The following KCNIP1 variants were observed in gnomAD, a reference collection of about 807,000 sequenced individuals.
The protein encoded by KCNIP1 is potassium voltage-gated channel interacting protein 1.
KCNIP1 carries 18 observed loss-of-function variants against 33.0 expected under a neutral mutation model. That is an observed-to-expected ratio of 0.55 (90% CI 0.38 to 0.81). KCNIP1 has a LOEUF of 0.81. Among genes scored for constraint, KCNIP1 ranks in the 30% least tolerant of loss-of-function variants. KCNIP1 has a pLI of 0.00. For synonymous variants in KCNIP1, 93 were observed against 98.3 expected (o/e 0.95, Z 0.32); for missense variants, 238 against 271.6 (o/e 0.88, Z 0.87).
intron 1 of KCNIP1, among the ~76,000 whole-genome samples, chr5:170,477,376 T>G (rs1462332058): frequency 6.6e-6 from 1 of 151,900 alleles, no homozygotes; most frequent in African/African-American, 2.4e-5. Context: ...TGTTAAAATC[T>G]GAGATATAAC....
Position 170,461,154 on chromosome 5 carries a change from T to G in KCNIP1, c.88+107190T>G, listed in dbSNP as rs569868064. On this transcript the variant is annotated intron_variant, in intron 1 of 7. Transcript: ENST00000377360. ...GACTACAAAACACTGCTGAAAGAAA[T>G]CATAGATGACACAGACAAATGGAAA... Among the ~76,000 whole-genome samples the G allele has an allele frequency of 2.1e-4, 32 of 152,228 alleles. 1 individual carries two copies. The South Asian group carries it at 5.2e-3, about 25-fold the overall frequency.
intron 1 of KCNIP1, among the ~76,000 whole-genome samples, chr5:170,620,108 G>A (rs1032010593): frequency 1.3e-5 from 2 of 152,208 alleles, no homozygotes; most frequent in Admixed American, 6.5e-5. Context: ...CATGCAATAT[G>A]TTGTCAAAAT....
At chr5:170,533,572 G>A (rs539438214) in intron 1 of KCNIP1, among the ~76,000 whole-genome samples, 11 of 152,274 alleles carry the variant, frequency 7.2e-5, no homozygotes, top group East Asian at 3.9e-4. Context: ...GGTCCAGCAC[G>A]TGGAACTATG....
intron 1 of KCNIP1, among the ~76,000 whole-genome samples, chr5:170,424,530 G>A (rs536082743): frequency 1.8e-4 from 27 of 152,242 alleles, no homozygotes; most frequent in African/African-American, 6.0e-4. Context: ...GTGAAGACCA[G>A]ACCAAGACTC....
At chr5:170,594,159 A>G (rs74518639) in intron 1 of KCNIP1, among the ~76,000 whole-genome samples, 1,639 of 152,296 alleles carry the variant, frequency 0.011, 28 homozygotes, top group African/African-American at 0.037. Context: ...TTGAATATTC[A>G]ACAATACCCA....
chr5:170,445,353 G>A (rs1197677544), intron 1 of KCNIP1, among the ~76,000 whole-genome samples: 17 of 152,220 alleles, frequency 1.1e-4, no homozygotes, highest in Admixed American at 1.1e-3. Flanking sequence ...GTCAATGACT[G>A]TATCAGGCCA....
At chr5:170,481,809 T>C (rs1230272664) in intron 1 of KCNIP1, among the ~76,000 whole-genome samples, 1 of 152,208 alleles carries the variant, frequency 6.6e-6, no homozygotes, top group Non-Finnish European at 1.5e-5. Context: ...CCATGCTTTA[T>C]AGCAATCGCT....
intron 1 of KCNIP1, among the ~76,000 whole-genome samples, chr5:170,562,871 C>T (rs1345728026): frequency 3.9e-5 from 6 of 152,218 alleles, no homozygotes; most frequent in African/African-American, 9.6e-5. Flanking sequence ...ACATGGGACC[C>T]ATGCTCCTGT....
intron 1 of KCNIP1, among the ~76,000 whole-genome samples, chr5:170,456,912 G>A (rs533136694): frequency 6.6e-6 from 1 of 152,002 alleles, no homozygotes; most frequent in South Asian, 2.1e-4. Context: ...TAGAGATGAG[G>A]TTTCCCTATG....
At chr5:170,506,742 C>T (rs754534571) in intron 1 of KCNIP1, among the ~76,000 whole-genome samples, 8 of 152,182 alleles carry the variant, frequency 5.3e-5, no homozygotes, top group Non-Finnish European at 1.0e-4. Flanking sequence ...ATAGCAGGTT[C>T]GGGGCCAATG....
intron 1 of KCNIP1, among the ~76,000 whole-genome samples, chr5:170,394,084 C>A (rs1428659357): frequency 4.6e-5 from 7 of 152,270 alleles, no homozygotes; most frequent in African/African-American, 1.7e-4. Flanking sequence ...GTGGCCTTTT[C>A]AACACACATA....
At chr5:170,503,225 A>G (rs1178794369), upstream of KCNIP1, among the ~76,000 whole-genome samples, 1 of 152,100 alleles carries the variant, frequency 6.6e-6, no homozygotes, top group Admixed American at 6.5e-5. Context: ...CCCCGTCTCT[A>G]TTAAAAAATA....
intron 1 of KCNIP1, among the ~76,000 whole-genome samples, chr5:170,697,216 T>C (rs1762928116): frequency 6.6e-6 from 1 of 152,122 alleles, no homozygotes; most frequent in East Asian, 1.9e-4. Flanking sequence ...CCCTTTCCCC[T>C]GCCCCCATCC....
chr5:170,529,649 G>T (rs1164021781), intron 1 of KCNIP1, among the ~76,000 whole-genome samples: 18 of 152,214 alleles, frequency 1.2e-4, no homozygotes, highest in Admixed American at 1.2e-3. Flanking sequence ...CCTGCTTCCT[G>T]TTAGGACTGT....
intron 1 of KCNIP1, among the ~76,000 whole-genome samples, chr5:170,631,665 A>G (rs527961731): frequency 5.8e-4 from 88 of 152,190 alleles, no homozygotes; most frequent in Non-Finnish European, 1.2e-4. Context: ...GGATGCCAGG[A>G]AAGTCTCTTT....
chr5:170,383,227 G>T, intron 1 of KCNIP1: 1 of 288,018 alleles, frequency 3.5e-6, no homozygotes, highest in Non-Finnish European at 6.5e-6. Flanking sequence ...TTCCTGGGGA[G>T]TCACCGGGAT....
At chr5:170,650,425 G>A (rs144954875) in intron 1 of KCNIP1, among the ~76,000 whole-genome samples, 254 of 150,352 alleles carry the variant, frequency 1.7e-3, no homozygotes, top group African/African-American at 5.8e-3. Flanking sequence ...AATCAGCCAC[G>A]CAGTATGCAT....
At position 170,718,771 on chromosome 5, in the gene KCNIP1, T is replaced by A; in HGVS notation, c.75T>A (p.Asp25Glu). Reference sequence around the variant, plus strand: ...CTCTGGTTCCAGATAAGATTGAAGATGAGCTGGAGATGACCATGGTTTGCC... The same window carrying A: ...CTCTGGTTCCAGATAAGATTGAAGAAGAGCTGGAGATGACCATGGTTTGCC... ...QRRPSKDKIE[D>E]ELEMTMVCHR... Residue 25 changes from aspartate to glutamate, a missense_variant, in exon 2 of 8, where the codon GAT becomes GAA. Transcript: ENST00000328939. The A allele has an allele frequency of 6.2e-7, 1 of 1,612,158 alleles. No homozygotes were observed. Among genetic ancestry groups the A allele is most frequent in the South Asian group, 1.1e-5 (1 of 90,958 alleles).
At chr5:170,563,415 T>A (rs1326481502) in intron 1 of KCNIP1, among the ~76,000 whole-genome samples, 1 of 152,192 alleles carries the variant, frequency 6.6e-6, no homozygotes, top group Non-Finnish European at 1.5e-5. Context: ...CATCACCTGC[T>A]CACACACAGG....
Sources: gnomAD v4.1 joint callset for allele counts (sites outside exome capture counted in the v4.1 genomes callset) on GRCh38, gnomAD v4.1.1 for gene constraint, MANE v1.5 for transcripts, NCBI Gene and HGNC (gene_info 2026-07-23, HGNC 2026-07-21) for gene names.